The following DAB2IP variants were observed in gnomAD, a reference collection of about 807,000 sequenced individuals.
DAB2IP encodes the protein disabled homolog 2-interacting protein.
A neutral mutation model predicts 107.2 loss-of-function variants in DAB2IP; 28 were observed. That is an observed-to-expected ratio of 0.26 (90% confidence interval 0.19 to 0.36). The LOEUF (loss-of-function observed/expected upper bound fraction) is 0.36. DAB2IP is among the 10% of genes least tolerant of loss of function. The pLI is 1.00. For missense variants in DAB2IP, 1,400 were observed against 1,644.7 expected (o/e 0.85, Z 2.57); for synonymous variants, 755 against 706.4 (o/e 1.07, Z -1.09).
At chr9:121,725,007 AG>A (rs1831152538) in intron 3 of DAB2IP, among the ~76,000 whole-genome samples, 1 of 152,146 alleles carries the variant, frequency 6.6e-6, no homozygotes, top group Non-Finnish European at 1.5e-5. Context: ...ACAGTCTCTG[AG>A]GAGAGCACCC....
chr9:121,770,427 G>T, intron 10 of DAB2IP, 119 bp from the exon 11 acceptor site: 1 of 1,133,022 alleles, frequency 8.8e-7, no homozygotes, highest in Non-Finnish European at 1.2e-6. Flanking sequence ...CTGGCAGCAG[G>T]TGGGGATCTG....
chr9:121,609,747 G>A (rs1276721236), intron 1 of DAB2IP, among the ~76,000 whole-genome samples: 1 of 152,214 alleles, frequency 6.6e-6, no homozygotes, highest in Admixed American at 6.5e-5. Context: ...ACAAGTTCCT[G>A]GCAGAGCTGG....
chr9:121,755,142 G>C (rs1262633654), intron 3 of DAB2IP, among the ~76,000 whole-genome samples: 1 of 152,248 alleles, frequency 6.6e-6, no homozygotes, highest in Non-Finnish European at 1.5e-5. Flanking sequence ...ACTGGTCATT[G>C]CCGTGATGGG....
rs200088258 is a variant in DAB2IP at position 121,759,006 on chromosome 9, C to T, written c.615+10C>T. The stretch of plus-strand genomic sequence containing the variant: ...GGTGCATCCCAACAAGGTAAGCCTG[C>T]GCCCCTCTCACCAAAGCATGGGGGA... On this transcript the variant is annotated intron_variant, in intron 5 of 15. Transcript: ENST00000408936. 1,947 of 1,606,404 alleles carry T rather than the reference C, an allele frequency of 1.2e-3. 4 individuals carry two copies. Among genetic ancestry groups the T allele is most frequent in the Non-Finnish European group, 1.6e-3 (1,828 of 1,176,662 alleles).
At chr9:121,582,420 G>T (rs1024103973) in intron 1 of DAB2IP, among the ~76,000 whole-genome samples, 6 of 152,024 alleles carry the variant, frequency 3.9e-5, no homozygotes, top group South Asian at 2.1e-4. Context: ...TGCGGGCTGT[G>T]GGGGGTGAGA....
Position 121,757,028 on chromosome 9 carries a change from G to A in DAB2IP, c.378G>A (p.Pro126=), listed in dbSNP as rs200818458. ...GCCACCCCAGGTCCCATCTGATGCC[G>A]AGGCTGAAGGAGTCTCGCTCCCACG... The change falls in exon 4 of 16, where the codon CCG becomes CCA. Residue 126 remains proline, a synonymous_variant. Transcript: ENST00000408936. The A allele has an allele frequency of 7.7e-5, 125 of 1,614,156 alleles. No homozygotes were observed. Among genetic ancestry groups the A allele is most frequent in the Admixed American group, 2.0e-4 (12 of 60,034 alleles).
At chr9:121,717,044 C>G (rs1284253685) in intron 3 of DAB2IP, among the ~76,000 whole-genome samples, 2 of 152,218 alleles carry the variant, frequency 1.3e-5, no homozygotes, top group South Asian at 4.1e-4. Context: ...TCATAGCAAG[C>G]ACTCATGAAG....
At chr9:121,567,183 C>T (rs1417039842) in exon 1 of DAB2IP, 2 of 1,613,938 alleles carry the variant, frequency 1.2e-6, no homozygotes, top group East Asian at 2.2e-5. Flanking sequence ...TGGGGGCCCA[C>T]ACGCCATGGA....
chr9:121,695,881 T>C (rs1829398633), intron 2 of DAB2IP, among the ~76,000 whole-genome samples: 1 of 152,170 alleles, frequency 6.6e-6, no homozygotes, highest in South Asian at 2.1e-4. Flanking sequence ...TTGTTTTTTG[T>C]TTTTTTGAGA....
chr9:121,741,579 T>C (rs1395917323), intron 3 of DAB2IP, among the ~76,000 whole-genome samples: 1 of 152,110 alleles, frequency 6.6e-6, no homozygotes, highest in East Asian at 1.9e-4. Context: ...TCAGTGTTTC[T>C]CACCTTCTGT....
chr9:121,733,599 C>T (rs1184155365), intron 3 of DAB2IP, among the ~76,000 whole-genome samples: 2 of 152,140 alleles, frequency 1.3e-5, no homozygotes, highest in African/African-American at 4.8e-5. Flanking sequence ...ATGAACAGAC[C>T]CCAAGGAAGG....
intron 1 of DAB2IP, among the ~76,000 whole-genome samples, chr9:121,670,342 A>T (rs1000302198): frequency 2.0e-5 from 3 of 152,236 alleles, no homozygotes; most frequent in African/African-American, 7.2e-5. Context: ...AGCGGCTTAA[A>T]CAACACAGGT....
intron 1 of DAB2IP, among the ~76,000 whole-genome samples, chr9:121,625,385 C>A (rs905410803): frequency 1.3e-5 from 2 of 151,906 alleles, no homozygotes; most frequent in East Asian, 3.9e-4. Context: ...ACTACAGGTG[C>A]GCACCATCAT....
chr9:121,640,537 G>A (rs1832247641), intron 1 of DAB2IP, among the ~76,000 whole-genome samples: 1 of 151,770 alleles, frequency 6.6e-6, no homozygotes, highest in African/African-American at 2.4e-5. Flanking sequence ...TGGGATTGGG[G>A]TGACTTCAGG....
chr9:121,614,842 T>C (rs896478958), intron 1 of DAB2IP, among the ~76,000 whole-genome samples: 8 of 151,708 alleles, frequency 5.3e-5, no homozygotes, highest in African/African-American at 1.9e-4. Flanking sequence ...CAAGCGATTC[T>C]CCTGCCTCAG....
In DAB2IP at chr9:121,782,394, A is replaced by G. The variant is rs1835728883; in HGVS notation, c.3466A>G (p.Lys1156Glu). Residue 1156 changes from lysine (K) to glutamate (E), a missense_variant, in exon 16 of 16, where the codon AAA becomes GAA. By Grantham distance (56) the Lys-to-Glu change is moderately conservative. This residue lies in a region of DAB2IP where 600 missense variants were observed against 659.1 expected (regional missense o/e 0.91). Transcript: ENST00000408936. This position sits in a 1 kb window ranked among gnomAD's most constrained non-coding sequence, Gnocchi z 6.1. ...CCTCATGAGTGCCCTGACCCAGCTG[A>G]AAGAGAGGTACAGCATGCAAGCCCG... 6.2e-7 allele frequency: 1 copy of G among 1,614,056 alleles called. No homozygotes were observed. The highest frequency in any genetic ancestry group is 8.5e-7 in the Non-Finnish European group (1 of 1,179,962).
chr9:121,754,439 C>G (rs1312412507), intron 3 of DAB2IP, among the ~76,000 whole-genome samples: 1 of 152,184 alleles, frequency 6.6e-6, no homozygotes, highest in East Asian at 1.9e-4. Context: ...CTCCCTGGGC[C>G]TGCCCTGCCC....
intron 1 of DAB2IP, among the ~76,000 whole-genome samples, chr9:121,610,154 C>T (rs934513823): frequency 6.6e-6 from 1 of 152,144 alleles, no homozygotes; most frequent in Non-Finnish European, 1.5e-5. Context: ...GCTGCTGAGC[C>T]ATGATAAGCA....
chr9:121,623,050 C>A (rs567902437), intron 1 of DAB2IP, among the ~76,000 whole-genome samples: 2 of 152,210 alleles, frequency 1.3e-5, no homozygotes, highest in African/African-American at 4.8e-5. Context: ...CTGAGCCTTG[C>A]GCCATCTCTC....
Sources: gnomAD v4.1 joint callset for allele counts (sites outside exome capture counted in the v4.1 genomes callset) on GRCh38, gnomAD v4.1.1 for gene constraint, gnomAD v4.1.1 regional missense constraint, Gnocchi (gnomAD v3.1) non-coding constraint, MANE v1.5 for transcripts, NCBI Gene and HGNC (gene_info 2026-07-23, HGNC 2026-07-21) for gene names.